Variants in USP50 observed in about 807,000 individuals in gnomAD.
USP50 encodes ubiquitin carboxyl-terminal hydrolase 50.
Under a neutral mutation model 39.2 loss-of-function variants are expected in USP50, and 37 were observed. The observed-to-expected ratio is 0.94, with a 90% CI of 0.73 to 1.24. The LOEUF (loss-of-function observed/expected upper bound fraction) is 1.24. USP50 is among the 50% of genes most tolerant of loss of function. The probability of loss-of-function intolerance (pLI) is 0.00; values close to 1 mark genes in which losing one functional copy is unlikely to be tolerated. For synonymous variants in USP50, 139 were observed against 144.5 expected, an observed-to-expected ratio of 0.96 and a Z score of 0.27; for missense variants, 374 against 398.2, an observed-to-expected ratio of 0.94 and a Z score of 0.52.
At chr15:50,524,099 C>A (rs1049651521) in intron 6 of USP50, among the ~76,000 whole-genome samples, 3 of 152,146 alleles carry the variant, frequency 2.0e-5, no homozygotes, top group Non-Finnish European at 4.4e-5. Flanking sequence ...AAAGTGGATC[C>A]TTATATCATA....
chr15:50,543,507 A>C, intron 3 of USP50, 91 bp downstream of exon 3: 2 of 1,272,638 alleles, frequency 1.6e-6, no homozygotes, highest in Middle Eastern at 2.6e-4. Flanking sequence ...CAAAGTAGAC[A>C]ATATTAATTG....
chr15:50,540,493 A>G (rs542076417), intron 4 of USP50, among the ~76,000 whole-genome samples: 10 of 152,274 alleles, frequency 6.6e-5, no homozygotes, highest in African/African-American at 2.4e-4. Flanking sequence ...AAACCCCACT[A>G]TATTTCCAAT....
chr15:50,521,503 G>A (rs1412142739), intron 6 of USP50, among the ~76,000 whole-genome samples: 9 of 152,060 alleles, frequency 5.9e-5, no homozygotes, highest in African/African-American at 4.8e-5. Flanking sequence ...AAGAACAGAC[G>A]AAGCCCAAAA....
chr15:50,514,714 G>C (rs1045309978), intron 6 of USP50, among the ~76,000 whole-genome samples: 26 of 151,790 alleles, frequency 1.7e-4, no homozygotes, highest in African/African-American at 6.3e-4. Context: ...ATTTTTAGTA[G>C]AGATGGGGTT....
chr15:50,545,155 A>G (rs1020895652), intron 1 of USP50, among the ~76,000 whole-genome samples: 1 of 152,210 alleles, frequency 6.6e-6, no homozygotes, highest in Non-Finnish European at 1.5e-5. Context: ...CAAATAAGAC[A>G]GATAAAAATT....
chr15:50,517,256 A>T (rs952580748), intron 6 of USP50, among the ~76,000 whole-genome samples: 2 of 152,126 alleles, frequency 1.3e-5, no homozygotes, highest in African/African-American at 4.8e-5. Flanking sequence ...GGATCACTTG[A>T]GGTCAGAAGT....
At chr15:50,527,361 C>A (rs1489955225) in intron 6 of USP50, among the ~76,000 whole-genome samples, 3 of 151,864 alleles carry the variant, frequency 2.0e-5, no homozygotes, top group Non-Finnish European at 4.4e-5. Flanking sequence ...CATGCCACCA[C>A]GCCTGGCTAA....
At chr15:50,538,538 G>T (rs1164996305) in intron 5 of USP50, among the ~76,000 whole-genome samples, 171 bp downstream of exon 5, 2 of 151,982 alleles carry the variant, frequency 1.3e-5, no homozygotes, top group Non-Finnish European at 2.9e-5. Flanking sequence ...TGCTAAAATG[G>T]CACAGTTTTG....
intron 6 of USP50, chr15:50,511,891 G>A (rs917428384): frequency 8.5e-5 from 13 of 152,388 alleles, no homozygotes; most frequent in African/African-American, 2.4e-4. Context: ...CCAGCTACTC[G>A]AGGGAGGGAG....
At chr15:50,541,361 A>C (rs2053029013) in intron 3 of USP50, 97 bp from the exon 4 acceptor site, 1 of 1,012,916 alleles carries the variant, frequency 9.9e-7, no homozygotes, top group East Asian at 2.5e-5. Context: ...AAAAAACAAA[A>C]AATTAGCTAG....
At chr15:50,493,222 A>G (rs1273777354), downstream of USP50, 2 of 509,060 alleles carry the variant, frequency 3.9e-6, no homozygotes, top group Non-Finnish European at 7.6e-6. Flanking sequence ...TCATGGCCTT[A>G]TCACCTCTTT....
chr15:50,529,747 T>C, intron 6 of USP50, 50 bp downstream of exon 6: 1 of 1,584,322 alleles, frequency 6.3e-7, no homozygotes, highest in East Asian at 2.2e-5. Flanking sequence ...CAGATAATTC[T>C]GGAGTTTTCT....
intron 6 of USP50, chr15:50,507,371 T>A (rs550814930): frequency 6.6e-6 from 1 of 152,242 alleles, no homozygotes; most frequent in Non-Finnish European, 1.5e-5. Flanking sequence ...TTGAGCATCA[T>A]GTTGGTGCTT....
chr15:50,505,384 T>C (rs2052644835), intron 6 of USP50: 1 of 152,110 alleles, frequency 6.6e-6, no homozygotes, highest in Non-Finnish European at 1.5e-5. Flanking sequence ...TTCAAAATAA[T>C]AGAGAAAAAT....
intron 3 of USP50, 38 bp from the exon 4 acceptor site, chr15:50,541,302 G>A (rs373874115): frequency 7.0e-6 from 11 of 1,560,478 alleles, no homozygotes; most frequent in South Asian, 3.4e-5. Context: ...ATTAATTATT[G>A]GTTATTTAAA....
downstream of USP50, chr15:50,497,352 T>A (rs1210411068): frequency 3.2e-6 from 4 of 1,264,624 alleles, no homozygotes; most frequent in Non-Finnish European, 4.2e-6. Context: ...ATTATCTGGT[T>A]ACAGTAGATC....
At chr15:50,494,366 T>C (rs2141323358) in intron 1 of USP50, 9 of 1,155,286 alleles carry the variant, frequency 7.8e-6, no homozygotes, top group Non-Finnish European at 1.1e-5. Flanking sequence ...AAAATTCTAG[T>C]TGGTGATAGT....
chr15:50,541,107 T>A lies in USP50; in HGVS notation c.602A>T (p.Asn201Ile), dbSNP rs373637162. The A allele has an allele frequency of 4.3e-5, 69 of 1,613,772 alleles. No individual in the cohort carries two copies. The African/African-American group carries it at 8.9e-4, about 21-fold the overall frequency. ...GAGTGAGAAGACAGTGAAGACTTCG[T>A]TCTTGTAGGTGCATTTCTCACACTT... ...CLKCEKCTYK[N>I]EVFTVFSLPI... The change falls in exon 4 of 7, where the codon AAC (asparagine) becomes ATC (isoleucine). Residue 201 changes from asparagine (N) to isoleucine (I), a missense_variant. By Grantham distance (149) the Asn-to-Ile change is moderately radical (BLOSUM62 -3). Transcript: ENST00000532404.
intron 3 of USP50, among the ~76,000 whole-genome samples, chr15:50,542,912 T>G (rs1046821149): frequency 6.6e-6 from 1 of 152,110 alleles, no homozygotes; most frequent in African/African-American, 2.4e-5. Flanking sequence ...TGCAGTGAGG[T>G]AATGTTAGCA....
Sources: allele counts gnomAD v4.1 joint callset (sites outside exome capture counted in the v4.1 genomes callset), GRCh38; gene constraint gnomAD v4.1.1; transcripts MANE v1.5; gene names NCBI Gene and HGNC (gene_info 2026-07-23, HGNC 2026-07-21).